SLCO3A1: variants seen among roughly 807,000 people sequenced by gnomAD.
SLCO3A1 encodes solute carrier organic anion transporter family member 3A1, also known as PGE1 transporter.
Under a neutral mutation model 63.1 loss-of-function variants are expected in SLCO3A1, and 27 were observed. That is an observed-to-expected ratio of 0.43 (90% confidence interval 0.32 to 0.59). SLCO3A1 has a LOEUF of 0.59. Ranked by LOEUF, SLCO3A1 falls within the 20% of genes least tolerant of loss-of-function variation. The pLI is 0.09. For synonymous variants in SLCO3A1, 473 were observed against 409.9 expected (o/e 1.15, Z -1.86); for missense variants, 773 against 945.8 (o/e 0.82, Z 2.40).
intron 7 of SLCO3A1, among the ~76,000 whole-genome samples, chr15:92,142,068 A>G (rs951160727): frequency 6.6e-6 from 1 of 152,230 alleles, no homozygotes. Flanking sequence ...ACAGCTATGA[A>G]TAAATTAAAT....
At chr15:92,095,844 C>A (rs1434977569) in intron 3 of SLCO3A1, among the ~76,000 whole-genome samples, 1 of 152,176 alleles carries the variant, frequency 6.6e-6, no homozygotes, top group East Asian at 1.9e-4. Flanking sequence ...CCAGCTTGCA[C>A]AGTTACCAAG....
At chr15:91,881,311 G>C (rs11854172) in intron 1 of SLCO3A1, among the ~76,000 whole-genome samples, 116,140 of 150,910 alleles carry the variant, frequency 0.77, 45,614 homozygotes, top group East Asian at 0.99. Flanking sequence ...TTAAATGCTC[G>C]GGGATTTTCT....
At chr15:91,974,274 A>ATTATTATT (rs1901007540) in intron 2 of SLCO3A1, among the ~76,000 whole-genome samples, 1 of 104,036 alleles carries the variant, frequency 9.6e-6, no homozygotes, top group Admixed American at 9.6e-5. Flanking sequence ...TGTTATTATT[A>ATTATTATT]TTATTATTAT....
At chr15:91,899,205 A>C (rs765648130) in intron 1 of SLCO3A1, among the ~76,000 whole-genome samples, 29 of 152,184 alleles carry the variant, frequency 1.9e-4, no homozygotes, top group Non-Finnish European at 3.2e-4. Flanking sequence ...GGCCAACACA[A>C]TGTCTGTAAC....
chr15:91,943,474 T>A (rs1183623625), intron 2 of SLCO3A1, among the ~76,000 whole-genome samples: 1 of 152,246 alleles, frequency 6.6e-6, no homozygotes, highest in African/African-American at 2.4e-5. Context: ...ATTTTGTTTA[T>A]CCATTCATCT....
At chr15:92,083,495 G>A (rs2047371052) in intron 2 of SLCO3A1, among the ~76,000 whole-genome samples, 1 of 152,192 alleles carries the variant, frequency 6.6e-6, no homozygotes, top group Admixed American at 6.5e-5. Context: ...ACTCTCCCAA[G>A]GACAGCTGAG....
At chr15:92,091,632 G>A (rs1312500200) in intron 2 of SLCO3A1, among the ~76,000 whole-genome samples, 3 of 152,090 alleles carry the variant, frequency 2.0e-5, no homozygotes, top group African/African-American at 4.8e-5. Context: ...CCCCTCCCAC[G>A]TCCCACCACC....
At chr15:92,156,889 A>G (rs1312751279) in intron 9 of SLCO3A1, among the ~76,000 whole-genome samples, 2 of 152,206 alleles carry the variant, frequency 1.3e-5, no homozygotes, top group Non-Finnish European at 2.9e-5. Context: ...AAAGCCTTTC[A>G]GTTCACCTTT....
Position 92,164,828 on chromosome 15 carries a change from A to G in SLCO3A1, c.*1693A>G. ...CCAGCACACTAGGCCTTCTACGGCC[A>G]TTTCTGTAAGGGGACAGAGCTTAGG... On this transcript the variant is annotated 3_prime_UTR_variant, in exon 10 of 10. Coordinates refer to ENST00000318445, the MANE Select transcript of SLCO3A1 (RefSeq NM_013272.4). 1 of 985,398 alleles carries G rather than the reference A, an allele frequency of 1.0e-6. No homozygotes were observed. Among genetic ancestry groups the G allele is most frequent in the Non-Finnish European group, 1.2e-6 (1 of 829,938 alleles). 61.0% of individuals were successfully genotyped at this position (985,398 alleles called of 1,614,324 possible).
At chr15:92,035,290 C>T (rs866168108) in intron 2 of SLCO3A1, among the ~76,000 whole-genome samples, 1 of 151,792 alleles carries the variant, frequency 6.6e-6, no homozygotes, top group Non-Finnish European at 1.5e-5. Flanking sequence ...TCAATAGCAG[C>T]GCAAAAGTGA....
Position 92,021,558 on chromosome 15 carries a change from G to A in SLCO3A1, c.647-73323G>A, listed in dbSNP as rs561453636. Among the ~76,000 whole-genome samples the A allele has an allele frequency of 7.9e-5, 12 of 152,252 alleles. 1 individual carries two copies. The highest frequency in any genetic ancestry group is 6.8e-3 in the Middle Eastern group (2 of 294). On this transcript the variant is annotated intron_variant, in intron 2 of 9. Coordinates refer to ENST00000318445, the MANE Select transcript of SLCO3A1 (RefSeq NM_013272.4). ...AAGGCAAGAGGGTTTTCCTCCATCC[G>A]AGAACTTCCTACACTTAAAGCAAGT...
At chr15:91,902,420 C>T (rs1049696946) in intron 1 of SLCO3A1, among the ~76,000 whole-genome samples, 2 of 151,908 alleles carry the variant, frequency 1.3e-5, no homozygotes, top group Non-Finnish European at 2.9e-5. Context: ...CCCTGTCTTC[C>T]GTTTAAAATT....
Position 92,165,548 on chromosome 15 carries a change from T to A in SLCO3A1, c.*2413T>A. On this transcript the variant is annotated 3_prime_UTR_variant, in exon 10 of 10. Transcript: ENST00000318445. The stretch of plus-strand genomic sequence containing the variant: ...TTTAAACTCTTTGCATTTTGGATTT[T>A]TTTTCCTAAGATTTTAGGATGAATG... 1 of 984,960 alleles carries A rather than the reference T, an allele frequency of 1.0e-6. No individual in the cohort carries two copies. Among genetic ancestry groups the A allele is most frequent in the Non-Finnish European group, 1.2e-6 (1 of 829,510 alleles). 61.0% of individuals were successfully genotyped at this position (984,960 alleles called of 1,614,324 possible).
intron 2 of SLCO3A1, among the ~76,000 whole-genome samples, chr15:92,082,676 A>G (rs1385242645): frequency 6.6e-6 from 1 of 152,194 alleles, no homozygotes; most frequent in Non-Finnish European, 1.5e-5. Flanking sequence ...CATTACATAT[A>G]ATTCTCACTG....
At chr15:91,979,094 G>A (rs1413044199) in intron 2 of SLCO3A1, among the ~76,000 whole-genome samples, 1 of 152,136 alleles carries the variant, frequency 6.6e-6, no homozygotes, top group East Asian at 1.9e-4. Context: ...TGCAAAAAGG[G>A]GACATAATGC....
At chr15:91,971,394 C>CTAAAAAAAAAAAAAAAAAAAAAA (rs1900859346) in intron 2 of SLCO3A1, among the ~76,000 whole-genome samples, 1 of 39,388 alleles carries the variant, frequency 2.5e-5, no homozygotes, top group African/African-American at 8.5e-5. Context: ...GACTCCATCT[C>CTAAAAAAAAAAAAAAAAAAAAAA]AAAAAAAAAA....
rs3030620 is a variant in SLCO3A1, at chr15:92,099,449, C to CA, written c.745+4482dup. On this transcript the variant is annotated intron_variant, in intron 3 of 9. Transcript: ENST00000318445. Reference sequence around the variant, plus strand: ...GTTAAACAAATGGGTAAATGAACTACAAAAAAAAAAAAGTCCATATGGCAC... The same window carrying CA: ...GTTAAACAAATGGGTAAATGAACTACAAAAAAAAAAAAAGTCCATATGGCAC... 2.3e-4 allele frequency among the ~76,000 whole-genome samples: 34 copies of CA among 149,812 alleles called. No individual in the cohort carries two copies. The East Asian group carries it at 3.8e-3, about 17-fold the overall frequency.
intron 7 of SLCO3A1, among the ~76,000 whole-genome samples, chr15:92,135,112 G>A (rs138423410): frequency 2.9e-4 from 44 of 152,328 alleles, no homozygotes; most frequent in Middle Eastern, 6.8e-3. Flanking sequence ...ACAGGCTGAG[G>A]TGTGACAATT....
chr15:92,097,357 A>G (rs207970), intron 3 of SLCO3A1, among the ~76,000 whole-genome samples: 108,949 of 152,106 alleles, frequency 0.72, 39,227 homozygotes, highest in Admixed American at 0.82. Flanking sequence ...AGAATGAAAC[A>G]GCACCTTTTC....
Sources: allele counts gnomAD v4.1 joint callset (sites outside exome capture counted in the v4.1 genomes callset), GRCh38; gene constraint gnomAD v4.1.1; transcripts MANE v1.5; gene names NCBI Gene and HGNC (gene_info 2026-07-23, HGNC 2026-07-21).